Variants in MIAT observed in about 807,000 individuals in gnomAD.
MIAT encodes the protein MI related novel mRNA.
At position 26,657,054 on chromosome 22, in the gene MIAT, C is replaced by G. The variant is rs1027037512; in HGVS notation, n.647-6262C>G. On this transcript the variant is annotated intron_variant and non_coding_transcript_variant, in intron 2 of 5. Coordinates refer to ENST00000643270, the Ensembl canonical transcript of MIAT. ...ACCATGTGCATAAAGAGGCATACACCCGAGGTCTTCCTGGTTAAGCCCTTG... is the reference window on the plus strand; with the variant it reads ...ACCATGTGCATAAAGAGGCATACACGCGAGGTCTTCCTGGTTAAGCCCTTG... Among the ~76,000 whole-genome samples the G allele has an allele frequency of 1.3e-5, 2 of 152,236 alleles. 1 individual carries two copies. Among genetic ancestry groups the G allele is most frequent in the Admixed American group, 1.3e-4 (2 of 15,290 alleles).
chr22:26,661,590 G>A (rs943631691), intron 2 of MIAT, among the ~76,000 whole-genome samples: 12 of 152,100 alleles, frequency 7.9e-5, no homozygotes, highest in African/African-American at 2.9e-4. Context: ...CATTGCAGGT[G>A]GGAAACAGGC....
chr22:26,647,498 A>C (rs1390490024), intron 2 of MIAT, among the ~76,000 whole-genome samples: 6 of 151,946 alleles, frequency 3.9e-5, no homozygotes, highest in African/African-American at 1.2e-4. Context: ...GCGGGGCCCC[A>C]GTCAATCCAG....
At chr22:26,653,444 G>A (rs577314716) in intron 2 of MIAT, among the ~76,000 whole-genome samples, 1 of 152,206 alleles carries the variant, frequency 6.6e-6, no homozygotes, top group East Asian at 1.9e-4. Flanking sequence ...AAAAGATTTT[G>A]TAACAGCGAA....
exon 5 of MIAT, chr22:26,675,231 G>A (rs977225603): frequency 1.8e-5 from 7 of 398,842 alleles, no homozygotes; most frequent in Admixed American, 4.4e-5. Context: ...GATGAGTTCC[G>A]GGCAGCGAGA....
At chr22:26,673,013 G>T (rs1931112385), downstream of MIAT, 5 of 398,544 alleles carry the variant, frequency 1.3e-5, no homozygotes, top group Admixed American at 4.4e-5. Context: ...GCCGTGACCG[G>T]AAGTCCTTGG....
At chr22:26,657,455 C>G (rs1930501329) in intron 2 of MIAT, 2 of 398,604 alleles carry the variant, frequency 5.0e-6, no homozygotes, top group South Asian at 1.3e-4. Flanking sequence ...CAGCCGCTCC[C>G]GCATTAAAAT....
At chr22:26,651,977 T>C (rs1282665374) in intron 2 of MIAT, among the ~76,000 whole-genome samples, 2 of 152,214 alleles carry the variant, frequency 1.3e-5, no homozygotes, top group Non-Finnish European at 2.9e-5. Context: ...AGGATGCGAC[T>C]TCCCTTTCTT....
exon 6 of MIAT, chr22:26,669,646 G>A (rs1930973738): frequency 5.0e-6 from 2 of 398,740 alleles, no homozygotes; most frequent in East Asian, 3.6e-5. Context: ...TCTTAACAGG[G>A]TGGTCACCGC....
chr22:26,664,097 C>T (rs996651812), intron 3 of MIAT, among the ~76,000 whole-genome samples: 4 of 150,928 alleles, frequency 2.7e-5, no homozygotes, highest in South Asian at 4.2e-4. Flanking sequence ...CTGCAACCTC[C>T]GCCTGCTGGG....
chr22:26,676,260 T>C, exon 5 of MIAT: 4 of 398,556 alleles, frequency 1.0e-5, no homozygotes, highest in Non-Finnish European at 8.8e-6. Context: ...CAGGGACCCA[T>C]TGTTTTACTT....
intron 3 of MIAT, among the ~76,000 whole-genome samples, chr22:26,663,780 CA>C (rs1930752674): frequency 6.6e-6 from 1 of 152,076 alleles, no homozygotes; most frequent in Non-Finnish European, 1.5e-5. Context: ...GCACACATTT[CA>C]ATGTGTTTTG....
chr22:26,655,665 T>C (rs1384570877), intron 2 of MIAT, among the ~76,000 whole-genome samples: 1 of 152,166 alleles, frequency 6.6e-6, no homozygotes, highest in African/African-American at 2.4e-5. Context: ...AGAACTGAAA[T>C]GTAAACCCGG....
rs192043763 is a variant in MIAT, at chr22:26,647,359, G to A, written n.646+48G>A. The A allele has an allele frequency of 1.2e-3, 377 of 325,998 alleles. 1 individual carries two copies. Among genetic ancestry groups the A allele is most frequent in the African/African-American group, 7.6e-3 (342 of 45,214 alleles). The allele number at this position is 325,998 out of a possible 1,614,324, so 20.2% of individuals were successfully genotyped here. On this transcript the variant is annotated intron_variant and non_coding_transcript_variant, in intron 2 of 5. Coordinates refer to ENST00000643270, the Ensembl canonical transcript of MIAT. ...CTCACGGGTTAGTTGTGGGGGCGGC[G>A]GGGACGTGGGGGGTGGAGAGAGAGA...
chr22:26,657,276 CT>C (rs1930492951), intron 2 of MIAT: 1 of 383,502 alleles, frequency 2.6e-6, no homozygotes, highest in Non-Finnish European at 4.6e-6. Flanking sequence ...CAGCTAGCCC[CT>C]TTGTGCGGCG....
chr22:26,651,292 C>T (rs978022296), intron 2 of MIAT, among the ~76,000 whole-genome samples: 1 of 152,188 alleles, frequency 6.6e-6, no homozygotes, highest in Non-Finnish European at 1.5e-5. Flanking sequence ...GCTCAGGGGA[C>T]AGCTGTCAGA....
chr22:26,655,623 G>A (rs1253818504), intron 2 of MIAT, among the ~76,000 whole-genome samples: 2 of 152,294 alleles, frequency 1.3e-5, no homozygotes, highest in African/African-American at 4.8e-5. Context: ...TGTGGAGCTT[G>A]CCTAAGGTCA....
exon 5 of MIAT, chr22:26,675,309 T>C (rs564131388): frequency 2.5e-6 from 1 of 398,726 alleles, no homozygotes; most frequent in African/African-American, 2.1e-5. Context: ...ATGTGGAATG[T>C]AGCAAGAGAT....
exon 1 of MIAT, chr22:26,646,665 C>T: frequency 1.3e-5 from 5 of 398,568 alleles, no homozygotes; most frequent in Admixed American, 4.4e-5. Flanking sequence ...TGTGTGTCCC[C>T]GGCATCACTG....
At chr22:26,671,771 C>T (rs1408162560), downstream of MIAT, 2 of 398,314 alleles carry the variant, frequency 5.0e-6, no homozygotes, top group Non-Finnish European at 8.8e-6. Flanking sequence ...GTTCTGATAC[C>T]TTACAGGTTG....
Sources: gnomAD v4.1 joint callset for allele counts (sites outside exome capture counted in the v4.1 genomes callset) on GRCh38, gnomAD v4.1.1 for gene constraint, MANE v1.5 for transcripts, NCBI Gene and HGNC (gene_info 2026-07-23, HGNC 2026-07-21) for gene names.